The following SDK2 variants were observed in gnomAD, a reference collection of about 807,000 sequenced individuals.
SDK2 encodes the protein sidekick cell adhesion molecule 2, also known as protein sidekick-2.
SDK2 carries 105 observed loss-of-function variants against 253.9 expected under a neutral mutation model. The observed-to-expected ratio is 0.41, with a 90% CI of 0.35 to 0.49. The LOEUF is 0.49. SDK2 is among the 20% of genes least tolerant of loss of function. The pLI is 0.06. For synonymous variants in SDK2, 1,249 were observed against 1,234.9 expected (o/e 1.01, Z -0.24); for missense variants, 2,608 against 3,003.0 (o/e 0.87, Z 3.07).
At chr17:73,490,163 T>A (rs554627494) in intron 2 of SDK2, among the ~76,000 whole-genome samples, 2 of 152,304 alleles carry the variant, frequency 1.3e-5, no homozygotes, top group Non-Finnish European at 2.9e-5. Flanking sequence ...TGGCGGCCTG[T>A]CTTGACTTCC....
chr17:73,444,398 C>A lies in SDK2; in HGVS notation c.613+3217G>T, dbSNP rs74377505. On this transcript the variant is annotated intron_variant, in intron 5 of 44. Transcript: ENST00000392650. ...GTAAATGGGGCTCCAAAGGCCAGAC[C>A]ATGAAAATCACAGGTGAGCCCGAGC... is the stretch of plus-strand genomic sequence containing the variant. Among the ~76,000 whole-genome samples the A allele has an allele frequency of 2.3e-3, 357 of 152,108 alleles. 12 individuals are homozygous for A. The East Asian group carries it at 0.064, about 27-fold the overall frequency.
chr17:73,605,882 C>T (rs538948733), intron 1 of SDK2, among the ~76,000 whole-genome samples: 1 of 152,238 alleles, frequency 6.6e-6, no homozygotes, highest in Admixed American at 6.5e-5. Flanking sequence ...CAGCCTCCTG[C>T]TCTTCACCAA....
chr17:73,421,824 G>A (rs192861808), intron 15 of SDK2, among the ~76,000 whole-genome samples: 8 of 152,184 alleles, frequency 5.3e-5, no homozygotes, highest in East Asian at 3.9e-4. Context: ...GCCTCCTGAC[G>A]TGCTGGGATT....
intron 3 of SDK2, 48 bp downstream of exon 3, chr17:73,472,064 C>A: frequency 7.3e-7 from 1 of 1,363,216 alleles, no homozygotes. Context: ...GGGTGCCACT[C>A]TGGCACCACA....
rs1344415929 is a variant in SDK2 at position 73,334,638 on chromosome 17, T to C, written c.*3949A>G. ...TTTGTGTTGATTTTTGTTTCTGGAG[T>C]CTAGATGGATGGAGAAAGGTAACAC... On this transcript the variant is annotated 3_prime_UTR_variant, in exon 45 of 45. Transcript: ENST00000392650. The C allele has an allele frequency of 1.3e-5, 2 of 152,038 alleles. No individual in the cohort carries two copies. The highest frequency in any genetic ancestry group is 2.9e-5 in the Non-Finnish European group (2 of 68,006). The allele number at this position is 152,038 out of a possible 1,614,324, so 9.4% of individuals were successfully genotyped here. A position where few individuals can be genotyped will look rare whatever the true frequency, so the allele number is the denominator to read the frequency against.
intron 1 of SDK2, among the ~76,000 whole-genome samples, chr17:73,532,809 T>TG (rs2064180485): frequency 6.6e-6 from 1 of 152,142 alleles, no homozygotes; most frequent in East Asian, 1.9e-4. Flanking sequence ...CATCTCACCG[T>TG]GGCCATGGCC....
chr17:73,442,917 A>G (rs1162199838), intron 5 of SDK2, among the ~76,000 whole-genome samples: 1 of 151,146 alleles, frequency 6.6e-6, no homozygotes, highest in African/African-American at 2.4e-5. Flanking sequence ...TTTAAAGTAG[A>G]GGCCAGATTT....
intron 1 of SDK2, among the ~76,000 whole-genome samples, chr17:73,535,763 C>T (rs1364386700): frequency 6.6e-6 from 1 of 152,146 alleles, no homozygotes; most frequent in Non-Finnish European, 1.5e-5. Flanking sequence ...GCAGAAATCT[C>T]TCTATCCATG....
rs1319177489 is a variant in SDK2, at chr17:73,570,671, G to A, written c.65-63074C>T. On this transcript the variant is annotated intron_variant, in intron 1 of 44. Transcript: ENST00000392650. This position sits in a 1 kb window ranked among gnomAD's most constrained non-coding sequence, Gnocchi z 4.2. ...GGCACTGCTTTAGCTCTGTTTTACA[G>A]ATGGGAAGGCTGAGGCTCAGAGAAG... Among the ~76,000 whole-genome samples, 1 of 152,204 alleles carries A rather than the reference G, an allele frequency of 6.6e-6. No homozygotes were observed. Among genetic ancestry groups the A allele is most frequent in the Non-Finnish European group, 1.5e-5 (1 of 68,028 alleles).
At chr17:73,385,192 C>A (rs1044695133) in intron 32 of SDK2, among the ~76,000 whole-genome samples, 1 of 152,150 alleles carries the variant, frequency 6.6e-6, no homozygotes, top group Admixed American at 6.5e-5. Flanking sequence ...ATGTGGGTGA[C>A]CTGCTGAGGC....
chr17:73,478,550 G>A (rs2063701677), intron 2 of SDK2, among the ~76,000 whole-genome samples: 1 of 152,216 alleles, frequency 6.6e-6, no homozygotes, highest in African/African-American at 2.4e-5. Context: ...CTTCGAAGAT[G>A]AAGAGATGAG....
Position 73,361,883 on chromosome 17 carries a change from C to A in SDK2, c.5306-38G>T. 1 of 1,535,806 alleles carries A rather than the reference C, an allele frequency of 6.5e-7. No homozygotes were observed. ...CAGCAAGTGGGGACTGGGCACAGGG[C>A]CCACCGAGGGCACTGGAGGCCATGG... On this transcript the variant is annotated intron_variant, in intron 38 of 44. Transcript: ENST00000392650. This position sits in a 1 kb window ranked among gnomAD's most constrained non-coding sequence, Gnocchi z 4.1.
intron 1 of SDK2, among the ~76,000 whole-genome samples, chr17:73,588,284 G>T (rs760102952): frequency 6.6e-6 from 1 of 151,068 alleles, no homozygotes; most frequent in African/African-American, 2.4e-5. Context: ...CTACTCGGGA[G>T]GGGGAGGCAG....
chr17:73,386,443 A>T lies in SDK2; in HGVS notation c.4498+2T>A. On this transcript the variant is annotated splice_donor_variant, in intron 31 of 44. Coordinates refer to ENST00000392650, the MANE Select transcript of SDK2 (RefSeq NM_001144952.2). LOFTEE classifies it high-confidence loss of function. ...AGAGACTGCTGGGGAAGGGGTACTG[A>T]CCAGCCTGCAGGGTGGTCAGTGACT... 1 of 1,548,296 alleles carries T rather than the reference A, an allele frequency of 6.5e-7. No individual in the cohort carries two copies. The highest frequency in any genetic ancestry group is 8.7e-7 in the Non-Finnish European group (1 of 1,143,278).
At chr17:73,459,279 T>C (rs774636155) in intron 3 of SDK2, among the ~76,000 whole-genome samples, 1 of 152,176 alleles carries the variant, frequency 6.6e-6, no homozygotes, top group Non-Finnish European at 1.5e-5. Context: ...TTACACACTG[T>C]TCTTGATTAG....
intron 1 of SDK2, among the ~76,000 whole-genome samples, chr17:73,548,985 A>G (rs1391306291): frequency 6.6e-6 from 1 of 152,180 alleles, no homozygotes; most frequent in Non-Finnish European, 1.5e-5. Flanking sequence ...AGTCTCAATG[A>G]CAACCCCGGC....
chr17:73,509,902 C>CAAAAAAAAAAAAAAAA (rs71157018), intron 1 of SDK2, among the ~76,000 whole-genome samples: 28 of 25,376 alleles, frequency 1.1e-3, no homozygotes, highest in African/African-American at 2.8e-3. Context: ...TCCATCTCTA[C>CAAAAAAAAAAAAAAAA]AAAAAAAAAA....
intron 3 of SDK2, among the ~76,000 whole-genome samples, chr17:73,471,465 G>A (rs1048410129): frequency 2.0e-5 from 3 of 152,196 alleles, no homozygotes; most frequent in African/African-American, 7.2e-5. Context: ...TGGGTGTGGT[G>A]GCACATGCCT....
At position 73,611,338 on chromosome 17, in the gene SDK2, C is replaced by T. The variant is rs1295675125; in HGVS notation, c.64+32687G>A. On this transcript the variant is annotated intron_variant, in intron 1 of 44. Coordinates refer to ENST00000392650, the MANE Select transcript of SDK2 (RefSeq NM_001144952.2). ...CTACAGAGAACCATGATGAAGCCAG[C>T]GTCCTCTCTCTGGCAGGGTCAGGGA... 3.3e-5 allele frequency among the ~76,000 whole-genome samples: 5 copies of T among 152,234 alleles called. No homozygotes were observed. In the East Asian group the frequency reaches 9.6e-4, roughly 29 times the overall value.
Sources: allele counts gnomAD v4.1 joint callset (sites outside exome capture counted in the v4.1 genomes callset), GRCh38; gene constraint gnomAD v4.1.1; non-coding constraint Gnocchi (gnomAD v3.1); transcripts MANE v1.5; gene names NCBI Gene and HGNC (gene_info 2026-07-23, HGNC 2026-07-21).